The following SWI5 variants were observed in gnomAD, a reference collection of about 807,000 sequenced individuals.
SWI5 encodes DNA repair protein SWI5 homolog.
Under a neutral mutation model 17.0 loss-of-function variants are expected in SWI5, and 12 were observed. The ratio of observed to expected loss-of-function variants is 0.71; its 90% CI spans 0.45 to 1.14. The LOEUF (loss-of-function observed/expected upper bound fraction) is 1.14, where lower values mean the gene tolerates loss of function less well. SWI5 is among the 50% of genes most tolerant of loss of function. SWI5 has a pLI of 0.00. For synonymous variants in SWI5, 61 were observed against 64.0 expected (o/e 0.95, Z 0.22); for missense variants, 158 against 162.2 (o/e 0.97, Z 0.14).
At chr9:128,286,902 G>T (rs955692132) in intron 4 of SWI5, among the ~76,000 whole-genome samples, 1 of 151,976 alleles carries the variant, frequency 6.6e-6, no homozygotes, top group Non-Finnish European at 1.5e-5. Context: ...TCCCAGCACC[G>T]TGGGAGGCCG....
Position 128,285,964 on chromosome 9 carries a change from G to A in SWI5, c.259G>A (p.Asp87Asn). The change falls in exon 4 of 5, where the codon GAC (aspartate) becomes AAC (asparagine). Residue 87 changes from aspartate to asparagine, a missense_variant. Physicochemically the swap from Asp to Asn is conservative, Grantham distance 23 (BLOSUM62 1). Transcript: ENST00000418976. The surrounding 1 kb of genome is among the most constrained non-coding windows in gnomAD (Gnocchi z 4.8). ...AGGCTACAGTGTGGATGAACTGGAG[G>A]ACCACATTACCCAGCTTCACGAGTA... is the stretch of plus-strand genomic sequence containing the variant. 1 of 1,614,048 alleles carries A rather than the reference G, an allele frequency of 6.2e-7. No individual in the cohort carries two copies. Among genetic ancestry groups the A allele is most frequent in the South Asian group, 1.1e-5 (1 of 91,086 alleles).
At chr9:128,287,635 C>G (rs1321509364) in intron 4 of SWI5, among the ~76,000 whole-genome samples, 1 of 146,510 alleles carries the variant, frequency 6.8e-6, no homozygotes, top group Admixed American at 6.9e-5. Context: ...GATCTCGGCT[C>G]CCTGCAACCT....
chr9:128,276,143 G>A, upstream of SWI5: 2 of 1,567,214 alleles, frequency 1.3e-6, no homozygotes, highest in Non-Finnish European at 1.7e-6. Flanking sequence ...AGGGGGCGTG[G>A]CTATGCAGCG....
At chr9:128,288,306 A>C in intron 4 of SWI5, among the ~76,000 whole-genome samples, 1 of 152,206 alleles carries the variant, frequency 6.6e-6, no homozygotes, top group East Asian at 1.9e-4. Flanking sequence ...CATTTGAAGC[A>C]GATGAATCCA....
chr9:128,287,478 A>C (rs1193834616), intron 4 of SWI5, among the ~76,000 whole-genome samples: 10 of 150,564 alleles, frequency 6.6e-5, no homozygotes, highest in Admixed American at 6.6e-4. Flanking sequence ...AAAGAAAAAG[A>C]ACACAAGCTC....
In SWI5 at chr9:128,288,176, C is replaced by T. The variant is rs375268849; in HGVS notation, c.329-476C>T. On this transcript the variant is annotated intron_variant, in intron 4 of 4. Transcript: ENST00000418976. ...AGAACCCTTCCTCAGGAGAAAGGACCAGTCTTTGTGGAGAACAGAGGAGGA... is the reference window on the plus strand; with the variant it reads ...AGAACCCTTCCTCAGGAGAAAGGACTAGTCTTTGTGGAGAACAGAGGAGGA... Among the ~76,000 whole-genome samples the T allele has an allele frequency of 5.9e-5, 9 of 152,140 alleles. 1 individual carries two copies. The highest frequency in any genetic ancestry group is 2.2e-4 in the African/African-American group (9 of 41,480).
At chr9:128,275,949 G>A (rs370362050), upstream of SWI5, 4 of 1,595,262 alleles carry the variant, frequency 2.5e-6, no homozygotes, top group African/African-American at 5.4e-5. Context: ...ATCGCGGGGC[G>A]GGGAGGGAGG....
intron 2 of SWI5, among the ~76,000 whole-genome samples, chr9:128,283,428 C>T (rs1410561046): frequency 2.6e-5 from 4 of 152,128 alleles, no homozygotes; most frequent in East Asian, 1.9e-4. Flanking sequence ...ACCCGGGAGG[C>T]GGAGGTTGCA....
chr9:128,287,141 C>CAAAAAAA (rs35520517), intron 4 of SWI5, among the ~76,000 whole-genome samples: 1 of 50,332 alleles, frequency 2.0e-5, no homozygotes, highest in African/African-American at 7.3e-5. Context: ...AACTCCATCT[C>CAAAAAAA]AAAAAAAAAA....
At chr9:128,280,190 G>A (rs77407869) in intron 2 of SWI5, among the ~76,000 whole-genome samples, 5 of 151,776 alleles carry the variant, frequency 3.3e-5, no homozygotes, top group East Asian at 3.9e-4. Context: ...ACACATTTCC[G>A]GGTGGCTCTG....
chr9:128,276,221 CG>C (rs1304367370), upstream of SWI5: 26 of 1,611,078 alleles, frequency 1.6e-5, no homozygotes, highest in Non-Finnish European at 2.2e-5. Flanking sequence ...CCGCCCACCT[CG>C]GGAGAGGGGC....
At chr9:128,276,209 C>T, upstream of SWI5, 2 of 1,608,256 alleles carry the variant, frequency 1.2e-6, no homozygotes, top group Non-Finnish European at 8.5e-7. Flanking sequence ...CAACCGCTGT[C>T]CCCGCCCACC....
At chr9:128,277,808 C>T (rs934332779) in intron 2 of SWI5, among the ~76,000 whole-genome samples, 2 of 152,168 alleles carry the variant, frequency 1.3e-5, no homozygotes, top group African/African-American at 2.4e-5. Context: ...ATGACGATGA[C>T]GGGGTGGCAG....
chr9:128,283,969 G>A (rs142292343), intron 2 of SWI5, among the ~76,000 whole-genome samples: 300 of 151,244 alleles, frequency 2.0e-3, no homozygotes, highest in African/African-American at 7.2e-3. Context: ...ATCCAGCCTG[G>A]GTGACAGAAC....
chr9:128,277,948 C>CTTTTTTTT (rs71381748), intron 2 of SWI5, among the ~76,000 whole-genome samples: 1 of 80,862 alleles, frequency 1.2e-5, no homozygotes, highest in African/African-American at 4.2e-5. Context: ...CATTCCTTCT[C>CTTTTTTTT]TTTTTTTTTT....
chr9:128,276,604 C>T, intron 1 of SWI5, 103 bp from the exon 2 acceptor site: 2 of 1,609,396 alleles, frequency 1.2e-6, no homozygotes, highest in African/African-American at 1.3e-5. Flanking sequence ...CAGTCCCTGG[C>T]GCTCCTACTT....
chr9:128,276,077 TGGGGGC>T, upstream of SWI5: 2 of 1,573,618 alleles, frequency 1.3e-6, no homozygotes, highest in Non-Finnish European at 1.7e-6. Flanking sequence ...GAGCGCAGAA[TGGGGGC>T]GTGGCCTCAA....
At chr9:128,287,557 C>CTTTTTTT (rs754816266) in intron 4 of SWI5, among the ~76,000 whole-genome samples, 1 of 123,020 alleles carries the variant, frequency 8.1e-6, no homozygotes, top group African/African-American at 3.4e-5. Flanking sequence ...TGGCCTATCC[C>CTTTTTTT]TTTTTTTTTT....
upstream of SWI5, chr9:128,275,845 G>A (rs929517225): frequency 3.1e-6 from 3 of 979,874 alleles, no homozygotes; most frequent in Non-Finnish European, 4.7e-6. Context: ...CCTGCCATCG[G>A]AGTGGGGCTG....
Sources: gnomAD v4.1 joint callset for allele counts (sites outside exome capture counted in the v4.1 genomes callset) on GRCh38, gnomAD v4.1.1 for gene constraint, Gnocchi (gnomAD v3.1) non-coding constraint, MANE v1.5 for transcripts, NCBI Gene and HGNC (gene_info 2026-07-23, HGNC 2026-07-21) for gene names.